SLC5A10: variants seen among roughly 807,000 people sequenced by gnomAD.
SLC5A10 encodes the protein sodium/mannose cotransporter SLC5A10.
Under a neutral mutation model 68.9 loss-of-function variants are expected in SLC5A10, and 55 were observed. The ratio of observed to expected loss-of-function variants is 0.80; its 90% CI spans 0.64 to 1.00. SLC5A10 has a LOEUF of 1.00. Among genes scored for constraint, SLC5A10 ranks in the 50% least tolerant of loss-of-function variants. SLC5A10 has a pLI of 0.00. For synonymous variants in SLC5A10, 344 were observed against 344.8 expected (o/e 1.00, Z 0.02); for missense variants, 732 against 819.3 (o/e 0.89, Z 1.30).
chr17:18,956,465 GTTT>G (rs750867503), intron 1 of SLC5A10, among the ~76,000 whole-genome samples: 6,307 of 97,390 alleles, frequency 0.065, 125 homozygotes, highest in African/African-American at 0.22. Flanking sequence ...TTTTCTTTCT[GTTT>G]TTTTTTTTTT....
At chr17:18,989,889 G>C (rs1275190085) in intron 9 of SLC5A10, among the ~76,000 whole-genome samples, 1 of 152,200 alleles carries the variant, frequency 6.6e-6, no homozygotes, top group Non-Finnish European at 1.5e-5. Context: ...TCAGGTCAGG[G>C]TTGGTCTCCA....
chr17:18,981,561 T>A (rs2043133344), intron 9 of SLC5A10, among the ~76,000 whole-genome samples: 1 of 152,158 alleles, frequency 6.6e-6, no homozygotes, highest in African/African-American at 2.4e-5. Context: ...CTGCCCGCCA[T>A]GCCATCCAGC....
At chr17:18,967,098 G>A (rs2042725508) in intron 5 of SLC5A10, among the ~76,000 whole-genome samples, 1 of 152,190 alleles carries the variant, frequency 6.6e-6, no homozygotes, top group Non-Finnish European at 1.5e-5. Context: ...GGAGTGCTCG[G>A]GCTGCAGGAA....
At chr17:18,990,977 A>C (rs1291097956) in intron 9 of SLC5A10, among the ~76,000 whole-genome samples, 1 of 152,156 alleles carries the variant, frequency 6.6e-6, no homozygotes, top group East Asian at 1.9e-4. Context: ...TCTGCACAAG[A>C]GACTGGGCAT....
chr17:18,961,622 G>A (rs1375027938), intron 5 of SLC5A10, among the ~76,000 whole-genome samples: 1 of 152,214 alleles, frequency 6.6e-6, no homozygotes, highest in African/African-American at 2.4e-5. Flanking sequence ...GCCCAGAAGA[G>A]GCGTCGATTT....
chr17:18,983,077 G>C (rs1171343218), intron 9 of SLC5A10, among the ~76,000 whole-genome samples: 1 of 152,236 alleles, frequency 6.6e-6, no homozygotes, highest in Non-Finnish European at 1.5e-5. Flanking sequence ...AGGAGGGATG[G>C]ACTGCCCAGG....
intron 1 of SLC5A10, chr17:18,952,590 G>A (rs764318383): frequency 8.7e-6 from 3 of 344,796 alleles, no homozygotes; most frequent in Admixed American, 4.5e-5. Context: ...TGCCCAGCTG[G>A]AGTCCTTGGG....
intron 9 of SLC5A10, among the ~76,000 whole-genome samples, chr17:19,010,815 G>A (rs1452801045): frequency 6.6e-6 from 1 of 152,152 alleles, no homozygotes; most frequent in Non-Finnish European, 1.5e-5. Flanking sequence ...TGGGGCCCCC[G>A]GCTCTGTCTT....
At chr17:18,997,863 C>CA (rs145582036) in intron 9 of SLC5A10, among the ~76,000 whole-genome samples, 1 of 152,180 alleles carries the variant, frequency 6.6e-6, no homozygotes, top group Non-Finnish European at 1.5e-5. Context: ...ATGCCAGACA[C>CA]AGAGTGTTTT....
At chr17:18,959,529 G>A (rs1279818661) in intron 3 of SLC5A10, 75 bp from the exon 4 acceptor site, 8 of 1,525,066 alleles carry the variant, frequency 5.2e-6, no homozygotes, top group Non-Finnish European at 7.2e-6. Context: ...GCTCATCCCA[G>A]CCATGTCTGC....
rs369502657 is a variant in SLC5A10 at position 18,987,732 on chromosome 17, C to G, written c.982+10743C>G. Among the ~76,000 whole-genome samples, 10 of 152,374 alleles carry G rather than the reference C, an allele frequency of 6.6e-5. 1 individual carries two copies. Among genetic ancestry groups the G allele is most frequent in the Admixed American group, 5.2e-4 (8 of 15,310 alleles). ...CCTTAAATTCACTTCAACTGTGCAG[C>G]CATCGCAGAAGCCTTCCCTGGCCCC... On this transcript the variant is annotated intron_variant, in intron 9 of 14. Coordinates refer to ENST00000395645, the MANE Select transcript of SLC5A10 (RefSeq NM_001042450.4).
At position 19,004,174 on chromosome 17, in the gene SLC5A10, G is replaced by C. The variant is rs920952074; in HGVS notation, c.983-9236G>C. The C allele has an allele frequency of 1.2e-6, 1 of 865,378 alleles. No homozygotes were observed. Among genetic ancestry groups the C allele is most frequent in the Non-Finnish European group, 1.7e-6 (1 of 588,792 alleles). 53.6% of individuals were successfully genotyped at this position (865,378 alleles called of 1,614,324 possible). On this transcript the variant is annotated intron_variant, in intron 9 of 14. Transcript: ENST00000395645. This position sits in a 1 kb window ranked among gnomAD's most constrained non-coding sequence, Gnocchi z 5.4. ...GCTTCTCTGCCCATGAGCAATCTGC[G>C]GGAAAGACCTGATGAGCCCGGCTCG...
At position 19,020,195 on chromosome 17, in the gene SLC5A10, C is replaced by G. The variant is rs1241991685; in HGVS notation, c.1667C>G (p.Pro556Arg). 1 of 1,609,610 alleles carries G rather than the reference C, an allele frequency of 6.2e-7. No homozygotes were observed. Among genetic ancestry groups the G allele is most frequent in the Admixed American group, 1.7e-5 (1 of 59,812 alleles). ...LTWWTLAQDV[P>R]LGTKAGDGQT... ...TGGTGGACCCTGGCTCAGGATGTGC[C>G]CTTGGGAACTAAAGCAGGTAAGTGG... The change falls in exon 14 of 15, where the codon CCC becomes CGC. Residue 556 changes from proline to arginine, a missense_variant. Transcript: ENST00000395645.
Position 19,003,491 on chromosome 17 carries a change from T to A in SLC5A10, c.983-9919T>A, listed in dbSNP as rs1012352266. ...AGGGGTCCGGTGGCTGGTTGGGCCA[T>A]GGCTCCAGGAGTCCCCGCGCTGCCT... On this transcript the variant is annotated intron_variant, in intron 9 of 14. Transcript: ENST00000395645. This position sits in a 1 kb window ranked among gnomAD's most constrained non-coding sequence, Gnocchi z 4.5. 6.6e-7 allele frequency: 1 copy of A among 1,505,534 alleles called. No homozygotes were observed. The highest frequency in any genetic ancestry group is 8.9e-7 in the Non-Finnish European group (1 of 1,127,198). 93.3% of individuals were successfully genotyped at this position (1,505,534 alleles called of 1,614,324 possible). A position where few individuals can be genotyped will look rare whatever the true frequency, so the allele number is the denominator to read the frequency against.
intron 9 of SLC5A10, among the ~76,000 whole-genome samples, chr17:18,981,723 A>C (rs974342137): frequency 1.3e-5 from 2 of 152,194 alleles, no homozygotes; most frequent in Non-Finnish European, 2.9e-5. Flanking sequence ...CATAGGGCCC[A>C]GTGCAGAAGG....
intron 8 of SLC5A10, among the ~76,000 whole-genome samples, chr17:18,974,146 C>T (rs1010627347): frequency 2.6e-5 from 4 of 152,090 alleles, no homozygotes; most frequent in African/African-American, 9.7e-5. Context: ...CCACCTAGGC[C>T]TCCCAAAGTG....
Position 19,017,599 on chromosome 17 carries a change from C to T in SLC5A10, c.1242-1824C>T, listed in dbSNP as rs2044167563. On this transcript the variant is annotated intron_variant, in intron 11 of 14. Transcript: ENST00000395645. The surrounding 1 kb of genome is among the most constrained non-coding windows in gnomAD (Gnocchi z 5.6). ...GAGAGCGATGACCCGCCCCCACTCC[C>T]GTATGCCTGCCCCAAGCCCCCACAC... 1.1e-5 allele frequency: 6 copies of T among 555,624 alleles called. No individual in the cohort carries two copies. The highest frequency in any genetic ancestry group is 6.2e-5 in the East Asian group (2 of 32,280). The allele number at this position is 555,624 out of a possible 1,614,324, so 34.4% of individuals were successfully genotyped here. A position where few individuals can be genotyped will look rare whatever the true frequency, so the allele number is the denominator to read the frequency against.
chr17:19,013,960 T>C (rs544834308), intron 10 of SLC5A10, among the ~76,000 whole-genome samples: 1 of 152,240 alleles, frequency 6.6e-6, no homozygotes, highest in African/African-American at 2.4e-5. Flanking sequence ...GGTGGAGAAA[T>C]GTTTTGGGGA....
chr17:18,963,435 C>G (rs570516423), intron 5 of SLC5A10, among the ~76,000 whole-genome samples: 4 of 152,360 alleles, frequency 2.6e-5, no homozygotes, highest in Non-Finnish European at 4.4e-5. Flanking sequence ...AACTATAAAA[C>G]AGGGAGCACC....
Sources: allele counts gnomAD v4.1 joint callset (sites outside exome capture counted in the v4.1 genomes callset), GRCh38; gene constraint gnomAD v4.1.1; non-coding constraint Gnocchi (gnomAD v3.1); transcripts MANE v1.5; gene names NCBI Gene and HGNC (gene_info 2026-07-23, HGNC 2026-07-21).